Variants in CCDC60 observed in about 807,000 individuals in gnomAD.
The protein encoded by CCDC60 is coiled-coil domain-containing protein 60.
A neutral mutation model predicts 63.5 loss-of-function variants in CCDC60; 54 were observed. That is an observed-to-expected ratio of 0.85 (90% confidence interval 0.68 to 1.07). The LOEUF (loss-of-function observed/expected upper bound fraction) is 1.07. CCDC60 is among the 50% of genes least tolerant of loss of function. The probability of loss-of-function intolerance (pLI) is 0.00; values close to 1 mark genes in which losing one functional copy is unlikely to be tolerated. For synonymous variants in CCDC60, 206 were observed against 238.8 expected, an observed-to-expected ratio of 0.86 and a Z score of 1.27; for missense variants, 651 against 684.3, an observed-to-expected ratio of 0.95 and a Z score of 0.54.
chr12:119,451,719 A>G (rs898747907), intron 2 of CCDC60, among the ~76,000 whole-genome samples: 3 of 152,224 alleles, frequency 2.0e-5, no homozygotes, highest in African/African-American at 4.8e-5. Flanking sequence ...TTACACAGTC[A>G]GTGTCCAATA....
chr12:119,436,315 G>A (rs1950323479), intron 2 of CCDC60, among the ~76,000 whole-genome samples: 1 of 152,078 alleles, frequency 6.6e-6, no homozygotes, highest in Non-Finnish European at 1.5e-5. Flanking sequence ...AAAGTGGAAA[G>A]CACATCATTT....
chr12:119,347,694 G>T (rs1043084161), intron 1 of CCDC60, among the ~76,000 whole-genome samples: 1 of 152,140 alleles, frequency 6.6e-6, no homozygotes, highest in African/African-American at 2.4e-5. Flanking sequence ...AGTACATGCT[G>T]GGTGCTCCAT....
At chr12:119,361,854 T>C (rs1164112918) in intron 1 of CCDC60, among the ~76,000 whole-genome samples, 3 of 152,198 alleles carry the variant, frequency 2.0e-5, no homozygotes, top group Non-Finnish European at 4.4e-5. Context: ...GCCACTAAAA[T>C]GAACAAGGTT....
At chr12:119,381,903 C>A (rs766693714) in intron 1 of CCDC60, among the ~76,000 whole-genome samples, 1 of 152,140 alleles carries the variant, frequency 6.6e-6, no homozygotes, top group South Asian at 2.1e-4. Context: ...AACCAGAGAC[C>A]CTTTAAGGAA....
chr12:119,345,408 AG>A lies in CCDC60; in HGVS notation c.90+10144del, dbSNP rs530717331. Among the ~76,000 whole-genome samples, 27 of 152,284 alleles carry A rather than the reference AG, an allele frequency of 1.8e-4. No homozygotes were observed. The South Asian group carries it at 4.8e-3, about 27-fold the overall frequency. ...TCCCAGCTACTCAGGAGGCTGAGGC[AG>A]GAGAATCACTTGAACCCGGGAGGCG... On this transcript the variant is annotated intron_variant, in intron 1 of 13. Transcript: ENST00000327554.
chr12:119,374,575 T>A (rs2136179333), intron 1 of CCDC60, among the ~76,000 whole-genome samples: 1 of 152,268 alleles, frequency 6.6e-6, no homozygotes, highest in South Asian at 2.1e-4. Flanking sequence ...AAGAGAGGAT[T>A]CTTGGACCGC....
At position 119,456,116 on chromosome 12, in the gene CCDC60, G is replaced by C. The variant is rs1003216425; in HGVS notation, c.171-15878G>C. 1.3e-5 allele frequency among the ~76,000 whole-genome samples: 2 copies of C among 152,072 alleles called. No individual in the cohort carries two copies. The highest frequency in any genetic ancestry group is 2.4e-5 in the African/African-American group (1 of 41,420). ...GTAGAGAGATGCAAAGGAATGGCAG[G>C]GTGAATGGTTAGAGATAAATCCCAG... On this transcript the variant is annotated intron_variant, in intron 2 of 13. Coordinates refer to ENST00000327554, the MANE Select transcript of CCDC60 (RefSeq NM_178499.5). The surrounding 1 kb of genome is among the most constrained non-coding windows in gnomAD (Gnocchi z 4.6).
chr12:119,392,262 A>G (rs1451400973), intron 1 of CCDC60, among the ~76,000 whole-genome samples: 1 of 152,156 alleles, frequency 6.6e-6, no homozygotes, highest in Non-Finnish European at 1.5e-5. Flanking sequence ...GACATGGAAG[A>G]AGGCAGCTAC....
chr12:119,423,095 G>A lies in CCDC60; in HGVS notation c.91-5588G>A, dbSNP rs75694998. Among the ~76,000 whole-genome samples, 1,049 of 152,266 alleles carry A rather than the reference G, an allele frequency of 6.9e-3. 14 individuals carry two copies. The highest frequency in any genetic ancestry group is 0.022 in the African/African-American group (913 of 41,562). On this transcript the variant is annotated intron_variant, in intron 1 of 13. Coordinates refer to ENST00000327554, the MANE Select transcript of CCDC60 (RefSeq NM_178499.5). Reference sequence around the variant, plus strand: ...GGAAGTAGAGCAGGTAAGTTTTGATGGGAAGGGAGTTGATCTACAAAGATC... The same window carrying A: ...GGAAGTAGAGCAGGTAAGTTTTGATAGGAAGGGAGTTGATCTACAAAGATC...
At chr12:119,455,680 A>T (rs1016042232) in intron 2 of CCDC60, among the ~76,000 whole-genome samples, 2 of 151,834 alleles carry the variant, frequency 1.3e-5, no homozygotes, top group Non-Finnish European at 2.9e-5. Flanking sequence ...GTGAGCTATG[A>T]TGGCACCACT....
chr12:119,418,382 C>CTCTCTTT (rs1565997946), intron 1 of CCDC60, among the ~76,000 whole-genome samples: 2 of 60,726 alleles, frequency 3.3e-5, no homozygotes, highest in African/African-American at 1.1e-4. Context: ...CCTTTTCTTT[C>CTCTCTTT]TTTCTTTTTT....
intron 1 of CCDC60, among the ~76,000 whole-genome samples, chr12:119,335,585 C>T (rs144786594): frequency 0.036 from 5,448 of 151,124 alleles, 132 homozygotes; most frequent in Non-Finnish European, 0.053. Context: ...TTTTTGGCTG[C>T]ATAAATGTCT....
chr12:119,419,415 G>C (rs1365427508), intron 1 of CCDC60, among the ~76,000 whole-genome samples: 1 of 152,202 alleles, frequency 6.6e-6, no homozygotes, highest in Admixed American at 6.5e-5. Context: ...AGGCGATGCT[G>C]TGCCCTTCCC....
chr12:119,465,262 C>T (rs1348636452), intron 2 of CCDC60, among the ~76,000 whole-genome samples: 5 of 151,758 alleles, frequency 3.3e-5, no homozygotes, highest in Admixed American at 2.6e-4. Context: ...TGCAGTGAGC[C>T]GAGATCGCAC....
At chr12:119,455,023 AT>A (rs1314866345) in intron 2 of CCDC60, among the ~76,000 whole-genome samples, 5 of 152,144 alleles carry the variant, frequency 3.3e-5, no homozygotes, top group African/African-American at 1.2e-4. Context: ...CCTTTAAAGA[AT>A]TTTCCCAGAA....
intron 2 of CCDC60, among the ~76,000 whole-genome samples, chr12:119,454,222 C>T (rs1950685366): frequency 6.6e-6 from 1 of 152,186 alleles, no homozygotes; most frequent in Non-Finnish European, 1.5e-5. Context: ...CCAGTGCCAC[C>T]TCTTACTAAC....
At chr12:119,434,302 G>A (rs1950288234) in intron 2 of CCDC60, among the ~76,000 whole-genome samples, 1 of 151,584 alleles carries the variant, frequency 6.6e-6, no homozygotes, top group African/African-American at 2.4e-5. Context: ...GGGGGGTTAG[G>A]CACTTCTTCT....
intron 1 of CCDC60, among the ~76,000 whole-genome samples, chr12:119,408,159 G>A (rs1483004199): frequency 1.3e-5 from 2 of 152,202 alleles, no homozygotes; most frequent in African/African-American, 4.8e-5. Context: ...AAGTAAATGA[G>A]TTTATGTAAC....
intron 1 of CCDC60, among the ~76,000 whole-genome samples, chr12:119,338,599 G>A (rs897734100): frequency 7.9e-5 from 12 of 152,302 alleles, no homozygotes; most frequent in African/African-American, 2.4e-4. Context: ...GTCAAGCTGT[G>A]ATAAATGGTT....
Sources: allele counts gnomAD v4.1 joint callset (sites outside exome capture counted in the v4.1 genomes callset), GRCh38; gene constraint gnomAD v4.1.1; non-coding constraint Gnocchi (gnomAD v3.1); transcripts MANE v1.5; gene names NCBI Gene and HGNC (gene_info 2026-07-23, HGNC 2026-07-21).